Variants in ANKS1B observed in about 807,000 individuals in gnomAD.
ANKS1B encodes the protein ankyrin repeat and sterile alpha motif domain containing 1B.
Under a neutral mutation model 148.3 loss-of-function variants are expected in ANKS1B, and 36 were observed. The ratio of observed to expected loss-of-function variants is 0.24; its 90% CI spans 0.19 to 0.32. The LOEUF (loss-of-function observed/expected upper bound fraction) is 0.32, where lower values mean the gene tolerates loss of function less well. Among genes scored for constraint, ANKS1B ranks in the 10% least tolerant of loss-of-function variants. ANKS1B has a pLI of 1.00. For missense variants in ANKS1B, 1,157 were observed against 1,542.6 expected (o/e 0.75, Z 4.19); for synonymous variants, 542 against 560.8 (o/e 0.97, Z 0.47).
At chr12:99,326,123 C>A (rs1311359572) in intron 12 of ANKS1B, among the ~76,000 whole-genome samples, 1 of 152,014 alleles carries the variant, frequency 6.6e-6, no homozygotes, top group Non-Finnish European at 1.5e-5. Flanking sequence ...GATTCAATTA[C>A]CTCCACCTGG....
At chr12:99,440,014 G>A (rs528766607) in intron 11 of ANKS1B, among the ~76,000 whole-genome samples, 19 of 151,782 alleles carry the variant, frequency 1.3e-4, no homozygotes, top group Non-Finnish European at 2.5e-4. Flanking sequence ...TTGAGTGAAA[G>A]AAACCCAAAC....
At chr12:99,381,834 G>A (rs2093655013) in intron 12 of ANKS1B, among the ~76,000 whole-genome samples, 1 of 152,162 alleles carries the variant, frequency 6.6e-6, no homozygotes, top group Admixed American at 6.5e-5. Context: ...TCTTACAGAT[G>A]ATTATGCTCT....
At chr12:99,701,036 G>T (rs115734694) in intron 8 of ANKS1B, among the ~76,000 whole-genome samples, 3 of 152,250 alleles carry the variant, frequency 2.0e-5, no homozygotes, top group African/African-American at 7.2e-5. Flanking sequence ...TGAGTACGTG[G>T]TCTAAGTCCC....
chr12:98,853,509 G>A (rs1460662275), intron 17 of ANKS1B, among the ~76,000 whole-genome samples: 1 of 152,120 alleles, frequency 6.6e-6, no homozygotes, highest in African/African-American at 2.4e-5. Context: ...GCAGGAAGGG[G>A]CTCACTGTAT....
intron 11 of ANKS1B, among the ~76,000 whole-genome samples, chr12:99,400,932 C>T (rs1053359378): frequency 2.1e-5 from 3 of 145,036 alleles, no homozygotes; most frequent in African/African-American, 7.9e-5. Flanking sequence ...AAGTAGATAT[C>T]ATTTAATCTA....
At chr12:99,094,759 C>T (rs938347617) in intron 15 of ANKS1B, among the ~76,000 whole-genome samples, 7 of 152,104 alleles carry the variant, frequency 4.6e-5, no homozygotes, top group African/African-American at 7.2e-5. Context: ...GGGAAAGAAA[C>T]GCAGGAAATA....
In ANKS1B at chr12:99,013,180, C is replaced by T. The variant is rs577976770; in HGVS notation, c.2778+39977G>A. 3.2e-4 allele frequency among the ~76,000 whole-genome samples: 49 copies of T among 152,274 alleles called. No homozygotes were observed. The South Asian group carries it at 0.01, about 32-fold the overall frequency. ...TAACACAGTCATTAATCCTGGGTGCCCAGACACATTCCATTAGAGGATTTT... is the reference window on the plus strand; with the variant it reads ...TAACACAGTCATTAATCCTGGGTGCTCAGACACATTCCATTAGAGGATTTT... On this transcript the variant is annotated intron_variant, in intron 17 of 26. Transcript: ENST00000683438.
intron 9 of ANKS1B, among the ~76,000 whole-genome samples, chr12:99,633,486 C>T (rs924604761): frequency 1.1e-4 from 16 of 152,182 alleles, no homozygotes; most frequent in Non-Finnish European, 1.9e-4. Context: ...AAAATTAATT[C>T]GAGATGGATT....
Position 98,994,951 on chromosome 12 carries a change from C to T in ANKS1B, c.2778+58206G>A, listed in dbSNP as rs553925482. Among the ~76,000 whole-genome samples the T allele has an allele frequency of 1.1e-4, 17 of 152,144 alleles. No homozygotes were observed. The South Asian group carries it at 2.9e-3, about 26-fold the overall frequency. ...GTTGGAGGATAAAATTCAACCATAA[C>T]GCTTGTGTAAATTGTGAAGAAAACA... On this transcript the variant is annotated intron_variant, in intron 17 of 26. Transcript: ENST00000683438.
At chr12:99,554,577 C>T (rs559374454) in intron 9 of ANKS1B, among the ~76,000 whole-genome samples, 7 of 152,262 alleles carry the variant, frequency 4.6e-5, no homozygotes, top group African/African-American at 1.7e-4. Context: ...AGGGTCCCCA[C>T]TCAAACAGAG....
chr12:99,121,090 T>G (rs1289685020), intron 15 of ANKS1B, among the ~76,000 whole-genome samples: 1 of 151,780 alleles, frequency 6.6e-6, no homozygotes, highest in Non-Finnish European at 1.5e-5. Flanking sequence ...CTCCAAAATT[T>G]AGACTTTTTT....
At chr12:99,461,065 T>TATATATACAC (rs1555442770) in intron 10 of ANKS1B, among the ~76,000 whole-genome samples, 43 of 141,146 alleles carry the variant, frequency 3.0e-4, no homozygotes, top group African/African-American at 1.1e-3. Context: ...TATATATATA[T>TATATATACAC]ACACATACAC....
chr12:99,362,025 A>C (rs2092505462), intron 12 of ANKS1B, among the ~76,000 whole-genome samples: 2 of 152,028 alleles, frequency 1.3e-5, no homozygotes, highest in Admixed American at 6.6e-5. Flanking sequence ...TTAAAAGTAC[A>C]TTATCAATCC....
At chr12:99,415,812 T>C (rs755010136) in intron 11 of ANKS1B, among the ~76,000 whole-genome samples, 3 of 152,052 alleles carry the variant, frequency 2.0e-5, no homozygotes, top group African/African-American at 7.2e-5. Context: ...GCCTCCTAAG[T>C]AGCTGGGACT....
At chr12:99,562,864 A>G (rs544082047) in intron 9 of ANKS1B, among the ~76,000 whole-genome samples, 2 of 152,332 alleles carry the variant, frequency 1.3e-5, no homozygotes, top group East Asian at 1.9e-4. Flanking sequence ...GAGCCAGACC[A>G]TATCAGCCAC....
rs987096 is a variant in ANKS1B at position 98,908,543 on chromosome 12, T to C, written c.2779-76407A>G. Among the ~76,000 whole-genome samples, 360 of 152,310 alleles carry C rather than the reference T, an allele frequency of 2.4e-3. 1 individual carries two copies. Among genetic ancestry groups the C allele is most frequent in the African/African-American group, 8.3e-3 (346 of 41,566 alleles). On this transcript the variant is annotated intron_variant, in intron 17 of 26. Transcript: ENST00000683438. ...TCATAATGCCTACTTGGTAAGGATA[T>C]TGTGAGAATTAAATAAGATGACATG... is the stretch of plus-strand genomic sequence containing the variant.
rs201829112 is a variant in ANKS1B at position 99,641,060 on chromosome 12, CACAT to C, written c.1272+14003_1272+14006del. ...TATACATACTTCCAGATTTTCTGAG[CACAT>C]ACAAATTAACATTGCACATATTAGA... On this transcript the variant is annotated intron_variant, in intron 9 of 26. Transcript: ENST00000683438. Among the ~76,000 whole-genome samples, 933 of 152,268 alleles carry C rather than the reference CACAT, an allele frequency of 6.1e-3. 16 individuals carry two copies. Among genetic ancestry groups the C allele is most frequent in the African/African-American group, 0.021 (881 of 41,562 alleles).
At chr12:99,112,195 C>T (rs890492511) in intron 15 of ANKS1B, among the ~76,000 whole-genome samples, 17 of 152,094 alleles carry the variant, frequency 1.1e-4, no homozygotes, top group Non-Finnish European at 1.8e-4. Flanking sequence ...CAACTTGAGG[C>T]TTCTGGCATC....
intron 24 of ANKS1B, 124 bp downstream of exon 24, chr12:98,780,993 T>C (rs897247432): frequency 9.6e-6 from 6 of 623,010 alleles, no homozygotes; most frequent in African/African-American, 9.2e-5. Flanking sequence ...GTAGGAAGCA[T>C]GAAGGTTGGG....
Sources: gnomAD v4.1 joint callset for allele counts (sites outside exome capture counted in the v4.1 genomes callset) on GRCh38, gnomAD v4.1.1 for gene constraint, MANE v1.5 for transcripts, NCBI Gene and HGNC (gene_info 2026-07-23, HGNC 2026-07-21) for gene names.